TRAM2: variants seen among roughly 807,000 people sequenced by gnomAD.
TRAM2 encodes translocating chain-associated membrane protein 2.
TRAM2 carries 12 observed loss-of-function variants against 51.0 expected under a neutral mutation model. The observed-to-expected ratio is 0.24, with a 90% confidence interval of 0.15 to 0.38. The LOEUF is 0.38. TRAM2 is among the 10% of genes least tolerant of loss of function. The pLI, the probability that TRAM2 is intolerant of heterozygous loss-of-function variation, is 1.00. For missense variants in TRAM2, 361 were observed against 462.0 expected (o/e 0.78, Z 2.00); for synonymous variants, 175 against 179.4 (o/e 0.98, Z 0.20).
intron 4 of TRAM2, among the ~76,000 whole-genome samples, chr6:52,510,878 A>G (rs1766439915): frequency 6.6e-6 from 1 of 152,226 alleles, no homozygotes; most frequent in Admixed American, 6.5e-5. Flanking sequence ...AAAGCATGGG[A>G]AGAAATAATC....
intron 1 of TRAM2, among the ~76,000 whole-genome samples, chr6:52,544,522 C>T (rs1457074038): frequency 1.3e-5 from 2 of 152,210 alleles, no homozygotes; most frequent in Non-Finnish European, 1.5e-5. Flanking sequence ...CTCTCTGTTA[C>T]AGCAGTGCAT....
chr6:52,551,627 A>G (rs1050666430), intron 1 of TRAM2, among the ~76,000 whole-genome samples: 4 of 152,086 alleles, frequency 2.6e-5, no homozygotes, highest in Admixed American at 6.5e-5. Context: ...CCGTGTAAAC[A>G]CTCTGGCACC....
At chr6:52,509,666 G>A in intron 4 of TRAM2, 80 bp from the exon 5 acceptor site, 2 of 1,307,256 alleles carry the variant, frequency 1.5e-6, no homozygotes, top group Non-Finnish European at 2.2e-6. Flanking sequence ...CCAGGGGTCA[G>A]GGATGCATCC....
intron 1 of TRAM2, among the ~76,000 whole-genome samples, chr6:52,560,429 A>G (rs1265886573): frequency 6.6e-6 from 1 of 152,184 alleles, no homozygotes; most frequent in Non-Finnish European, 1.5e-5. Flanking sequence ...TATACATACT[A>G]ATTTGTAATC....
At position 52,503,086 on chromosome 6, in the gene TRAM2, T is replaced by C. The variant is rs1766266739; in HGVS notation, c.*111A>G. On this transcript the variant is annotated 3_prime_UTR_variant, in exon 11 of 11. Coordinates refer to ENST00000182527, the MANE Select transcript of TRAM2 (RefSeq NM_012288.4). ...CCCCCATTGCAAGACAGGTTTCGGC[T>C]GTTTGAGACGGAGCATCACAGGCAG... is the stretch of plus-strand genomic sequence containing the variant. 11 of 906,252 alleles carry C rather than the reference T, an allele frequency of 1.2e-5. No individual in the cohort carries two copies. The South Asian group carries it at 1.5e-4, about 12-fold the overall frequency. The allele number at this position is 906,252 out of a possible 1,614,324, so 56.1% of individuals were successfully genotyped here. A position where few individuals can be genotyped will look rare whatever the true frequency, so the allele number is the denominator to read the frequency against.
At chr6:52,557,816 C>T (rs1767435509) in intron 1 of TRAM2, among the ~76,000 whole-genome samples, 2 of 152,172 alleles carry the variant, frequency 1.3e-5, no homozygotes, top group Admixed American at 1.3e-4. Flanking sequence ...TCAAATGTGA[C>T]CTGGAGCCAG....
intron 2 of TRAM2, chr6:52,523,935 C>T (rs992826401): frequency 6.6e-6 from 1 of 152,250 alleles, no homozygotes; most frequent in African/African-American, 2.4e-5. Context: ...GGGCCCTACC[C>T]CAGGCCTATT....
chr6:52,538,030 T>C (rs554561348), intron 1 of TRAM2, among the ~76,000 whole-genome samples: 2 of 152,242 alleles, frequency 1.3e-5, no homozygotes, highest in East Asian at 3.9e-4. Context: ...ACTCCACTCA[T>C]ATAGGTCATT....
At chr6:52,549,217 C>T (rs1767263687) in intron 1 of TRAM2, among the ~76,000 whole-genome samples, 2 of 152,048 alleles carry the variant, frequency 1.3e-5, no homozygotes, top group African/African-American at 2.4e-5. Flanking sequence ...CCTCAGACCC[C>T]TTAAAGCTTT....
intron 1 of TRAM2, among the ~76,000 whole-genome samples, chr6:52,571,617 C>T (rs951866917): frequency 1.3e-5 from 2 of 152,180 alleles, no homozygotes; most frequent in African/African-American, 4.8e-5. Context: ...AGATAGATGT[C>T]AAAGAGAAAA....
At chr6:52,531,936 T>G (rs182810320) in intron 2 of TRAM2, among the ~76,000 whole-genome samples, 1 of 152,172 alleles carries the variant, frequency 6.6e-6, no homozygotes, top group African/African-American at 2.4e-5. Context: ...TGGCTAACAA[T>G]AGGCACACAA....
intron 1 of TRAM2, among the ~76,000 whole-genome samples, chr6:52,536,545 TG>T (rs946095874): frequency 1.3e-5 from 2 of 152,220 alleles, no homozygotes; most frequent in Non-Finnish European, 2.9e-5. Flanking sequence ...GTTTGAAGGT[TG>T]GACTCAAGAA....
At position 52,576,948 on chromosome 6, in the gene TRAM2, C is replaced by T; in HGVS notation, c.-33G>A. The T allele has an allele frequency of 6.3e-7, 1 of 1,583,710 alleles. No individual in the cohort carries two copies. Among genetic ancestry groups the T allele is most frequent in the Non-Finnish European group, 8.6e-7 (1 of 1,167,154 alleles). On this transcript the variant is annotated 5_prime_UTR_variant, in exon 1 of 11. Transcript: ENST00000182527. Reference sequence around the variant, plus strand: ...GGCGCGCAGCGGCCGGCGGGGCCCGCACCCTGCGCTCACGAACCGCAGCGC... The same window carrying T: ...GGCGCGCAGCGGCCGGCGGGGCCCGTACCCTGCGCTCACGAACCGCAGCGC...
chr6:52,505,550 A>G (rs1469992872), intron 9 of TRAM2, 49 bp downstream of exon 9: 4 of 1,547,070 alleles, frequency 2.6e-6, no homozygotes, highest in Non-Finnish European at 3.5e-6. Flanking sequence ...GGCTGTGCCA[A>G]GTTCAGGAGG....
chr6:52,508,030 G>A (rs1476591106), intron 6 of TRAM2, among the ~76,000 whole-genome samples: 2 of 152,222 alleles, frequency 1.3e-5, no homozygotes, highest in Non-Finnish European at 2.9e-5. Context: ...TGGTGGAAGA[G>A]GCAGGCAAGA....
chr6:52,511,388 G>A (rs58294200), intron 4 of TRAM2, among the ~76,000 whole-genome samples: 2,429 of 152,246 alleles, frequency 0.016, 37 homozygotes, highest in East Asian at 0.076. Flanking sequence ...GCACCATTGC[G>A]CCCAGCCAAG....
Position 52,499,357 on chromosome 6 carries a change from C to T in TRAM2, c.*3840G>A, listed in dbSNP as rs1439154485. 4 of 152,184 alleles carry T rather than the reference C, an allele frequency of 2.6e-5. No individual in the cohort carries two copies. Among genetic ancestry groups the T allele is most frequent in the African/African-American group, 9.7e-5 (4 of 41,450 alleles). 9.4% of individuals were successfully genotyped at this position (152,184 alleles called of 1,614,324 possible). On this transcript the variant is annotated 3_prime_UTR_variant, in exon 11 of 11. Transcript: ENST00000182527. ...AACATCAAGAATTGAAGTTTGTGCACTTGTGCCATAGGCCCTTAAGCAAAA... is the reference window on the plus strand; with the variant it reads ...AACATCAAGAATTGAAGTTTGTGCATTTGTGCCATAGGCCCTTAAGCAAAA...
intron 7 of TRAM2, 137 bp from the exon 8 acceptor site, chr6:52,506,273 C>T (rs1023343745): frequency 1.3e-6 from 1 of 745,820 alleles, no homozygotes; most frequent in Non-Finnish European, 2.2e-6. Flanking sequence ...GCTGGCTCTG[C>T]TCCATCCTTT....
intron 1 of TRAM2, among the ~76,000 whole-genome samples, chr6:52,562,086 A>AC (rs1426167999): frequency 6.6e-6 from 1 of 152,074 alleles, no homozygotes; most frequent in Non-Finnish European, 1.5e-5. Flanking sequence ...AAATGCAAAA[A>AC]AAAAAACTTT....
Sources: allele counts gnomAD v4.1 joint callset (sites outside exome capture counted in the v4.1 genomes callset), GRCh38; gene constraint gnomAD v4.1.1; transcripts MANE v1.5; gene names NCBI Gene and HGNC (gene_info 2026-07-23, HGNC 2026-07-21).